Variants in ERG observed in about 807,000 individuals in gnomAD.
The protein encoded by ERG is transcriptional regulator ERG.
ERG carries 9 observed loss-of-function variants against 55.3 expected under a neutral mutation model. That is an observed-to-expected ratio of 0.16 (90% CI 0.10 to 0.28). The LOEUF (loss-of-function observed/expected upper bound fraction) is 0.28, where lower values mean the gene tolerates loss of function less well. Ranked by LOEUF, ERG falls within the 10% of genes least tolerant of loss-of-function variation. The pLI, the probability that ERG is intolerant of heterozygous loss-of-function variation, is 1.00. For synonymous variants in ERG, 223 were observed against 237.3 expected, an observed-to-expected ratio of 0.94 and a Z score of 0.55; for missense variants, 434 against 631.6, an observed-to-expected ratio of 0.69 and a Z score of 3.35.
At chr21:38,656,352 T>C (rs2060518939) in intron 1 of ERG, among the ~76,000 whole-genome samples, 1 of 152,184 alleles carries the variant, frequency 6.6e-6, no homozygotes, top group African/African-American at 2.4e-5. Flanking sequence ...AATCAATTTA[T>C]TAAACTAAGG....
At chr21:38,538,231 A>T (rs1018046716) in intron 2 of ERG, among the ~76,000 whole-genome samples, 1 of 152,136 alleles carries the variant, frequency 6.6e-6, no homozygotes. Flanking sequence ...AAATGAAAAA[A>T]GTTCTGGAGA....
chr21:38,646,546 T>A (rs2060457988), intron 1 of ERG, among the ~76,000 whole-genome samples: 1 of 152,180 alleles, frequency 6.6e-6, no homozygotes, highest in Non-Finnish European at 1.5e-5. Context: ...TACTTTTTCC[T>A]GTTTTCAGTA....
intron 1 of ERG, among the ~76,000 whole-genome samples, chr21:38,636,473 A>G (rs749399155): frequency 1.3e-5 from 2 of 152,140 alleles, no homozygotes; most frequent in Non-Finnish European, 2.9e-5. Context: ...GCAAAATTTT[A>G]TTTGAACAAA....
chr21:38,398,966 T>C (rs1002003819), intron 6 of ERG, among the ~76,000 whole-genome samples: 1 of 152,184 alleles, frequency 6.6e-6, no homozygotes, highest in Non-Finnish European at 1.5e-5. Flanking sequence ...GTTTTGGAAA[T>C]AGTTTTTATT....
chr21:38,657,912 CA>C (rs2146995975), intron 1 of ERG, among the ~76,000 whole-genome samples: 1 of 152,256 alleles, frequency 6.6e-6, no homozygotes, highest in South Asian at 2.1e-4. Flanking sequence ...TCAGAGTTTT[CA>C]AAAAGCCCTA....
intron 2 of ERG, among the ~76,000 whole-genome samples, chr21:38,508,494 C>G (rs2059487072): frequency 6.6e-6 from 1 of 152,094 alleles, no homozygotes; most frequent in Non-Finnish European, 1.5e-5. Flanking sequence ...GATTATTTTA[C>G]AGCAGATTTA....
chr21:38,479,770 T>A (rs138503875), intron 1 of ERG, among the ~76,000 whole-genome samples: 1 of 152,224 alleles, frequency 6.6e-6, no homozygotes, highest in Non-Finnish European at 1.5e-5. Flanking sequence ...CTATCCACTG[T>A]GGTCATCAGT....
chr21:38,440,448 G>T (rs2058829973), intron 2 of ERG, among the ~76,000 whole-genome samples: 1 of 152,200 alleles, frequency 6.6e-6, no homozygotes, highest in African/African-American at 2.4e-5. Context: ...GCCCGGTGCT[G>T]GTTCACGGTG....
chr21:38,390,040 G>C (rs1987899429), intron 9 of ERG, among the ~76,000 whole-genome samples: 1 of 152,170 alleles, frequency 6.6e-6, no homozygotes, highest in South Asian at 2.1e-4. Context: ...ATTCCATCTT[G>C]TGCTTGCAAT....
chr21:38,459,765 C>T (rs968799058), intron 1 of ERG, among the ~76,000 whole-genome samples: 1 of 152,284 alleles, frequency 6.6e-6, no homozygotes, highest in African/African-American at 2.4e-5. Context: ...ATGTACTGAA[C>T]ACCTTTTCTA....
chr21:38,428,682 T>C (rs1989959623), intron 2 of ERG, among the ~76,000 whole-genome samples: 1 of 152,206 alleles, frequency 6.6e-6, no homozygotes, highest in Non-Finnish European at 1.5e-5. Flanking sequence ...CTTTTAAACA[T>C]ACACATACTT....
intron 2 of ERG, among the ~76,000 whole-genome samples, chr21:38,439,590 A>T (rs2058821594): frequency 6.6e-6 from 1 of 152,246 alleles, no homozygotes; most frequent in Non-Finnish European, 1.5e-5. Context: ...CCGAAGCTGA[A>T]AAATGATGTC....
At chr21:38,515,934 G>A (rs2059548424) in intron 2 of ERG, among the ~76,000 whole-genome samples, 1 of 151,794 alleles carries the variant, frequency 6.6e-6, no homozygotes. Context: ...ACTTAACATT[G>A]TTTCATAGTA....
chr21:38,548,832 C>T (rs150474290), intron 2 of ERG, among the ~76,000 whole-genome samples: 25 of 148,494 alleles, frequency 1.7e-4, no homozygotes, highest in East Asian at 4.1e-4. Context: ...GACTTTGGGA[C>T]GGGCACAGTG....
intron 2 of ERG, among the ~76,000 whole-genome samples, chr21:38,535,163 G>A (rs1183959407): frequency 1.3e-5 from 2 of 151,796 alleles, no homozygotes; most frequent in Non-Finnish European, 2.9e-5. Context: ...ATTATGCTGC[G>A]TGAAATAAAC....
intron 1 of ERG, among the ~76,000 whole-genome samples, chr21:38,634,232 A>G (rs1422701542): frequency 6.6e-6 from 1 of 152,196 alleles, no homozygotes; most frequent in Non-Finnish European, 1.5e-5. Context: ...TATTCACTGT[A>G]AGATTTCTAG....
intron 1 of ERG, among the ~76,000 whole-genome samples, chr21:38,496,233 A>G (rs2059378047): frequency 6.6e-6 from 1 of 152,236 alleles, no homozygotes; most frequent in Non-Finnish European, 1.5e-5. Flanking sequence ...GCAGAAAACC[A>G]ACTTAAAAAA....
intron 1 of ERG, among the ~76,000 whole-genome samples, chr21:38,656,882 C>G (rs1439754838): frequency 6.6e-6 from 1 of 152,110 alleles, no homozygotes; most frequent in Non-Finnish European, 1.5e-5. Context: ...CCTAGAGAGA[C>G]AGCTTTTCCC....
At position 38,475,802 on chromosome 21, in the gene ERG, C is replaced by T. The variant is rs542028208; in HGVS notation, c.18+22561G>A. On this transcript the variant is annotated intron_variant, in intron 1 of 9. Transcript: ENST00000288319. ...ATCTGCATCCCCCTGATTGACAGCA[C>T]TGAGTGAGCCCAGCTGTCCTGCTGC... Among the ~76,000 whole-genome samples, 7 of 152,286 alleles carry T rather than the reference C, an allele frequency of 4.6e-5. No individual in the cohort carries two copies. In the East Asian group the frequency reaches 1.2e-3, roughly 25 times the overall value.
Sources: allele counts gnomAD v4.1 joint callset (sites outside exome capture counted in the v4.1 genomes callset), GRCh38; gene constraint gnomAD v4.1.1; transcripts MANE v1.5; gene names NCBI Gene and HGNC (gene_info 2026-07-23, HGNC 2026-07-21).